Variants in C19orf47 observed in about 807,000 individuals in gnomAD.
The protein encoded by C19orf47 is chromosome 19 open reading frame 47.
A neutral mutation model predicts 32.3 loss-of-function variants in C19orf47; 18 were observed. The observed-to-expected ratio is 0.56, with a 90% CI of 0.39 to 0.83. The LOEUF (loss-of-function observed/expected upper bound fraction) is 0.83. Among genes scored for constraint, C19orf47 ranks in the 40% least tolerant of loss-of-function variants. The pLI is 0.00. For synonymous variants in C19orf47, 202 were observed against 211.1 expected (o/e 0.96, Z 0.37); for missense variants, 484 against 531.6 (o/e 0.91, Z 0.88).
the C19orf47 span, among the ~76,000 whole-genome samples, chr19:40,312,500 G>A: frequency 1.3e-5 from 2 of 151,264 alleles, no homozygotes; most frequent in African/African-American, 2.4e-5. Context: ...AGCTGAGATC[G>A]CACCACTGCA....
chr19:40,321,304 G>A lies in C19orf47; in HGVS notation c.*578C>T. ...ACCGCCGACGAGGGGGCCGCTGGGA[G>A]GCCGGAGGTACAGGAGGGTCGGGCA... On this transcript the variant is annotated 3_prime_UTR_variant, in exon 9 of 9. Coordinates refer to ENST00000683109, the MANE Select transcript of C19orf47 (RefSeq NM_001256441.2). The A allele has an allele frequency of 3.0e-6, 3 of 986,416 alleles. No individual in the cohort carries two copies. The highest frequency in any genetic ancestry group is 4.7e-5 in the South Asian group (1 of 21,292). The allele number at this position is 986,416 out of a possible 1,614,324, so 61.1% of individuals were successfully genotyped here. A position where few individuals can be genotyped will look rare whatever the true frequency, so the allele number is the denominator to read the frequency against.
At chr19:40,308,288 T>G in the C19orf47 span, among the ~76,000 whole-genome samples, 3 of 151,978 alleles carry the variant, frequency 2.0e-5, no homozygotes, top group African/African-American at 7.3e-5. Flanking sequence ...CCAGAGTAGC[T>G]GGGATTACAG....
At chr19:40,293,408 A>G in the C19orf47 span, among the ~76,000 whole-genome samples, 2 of 151,714 alleles carry the variant, frequency 1.3e-5, no homozygotes, top group East Asian at 3.9e-4. Context: ...AGCCTCCCAA[A>G]GTGCTGGGAT....
intron 1 of C19orf47, among the ~76,000 whole-genome samples, chr19:40,347,481 G>A (rs1371930222): frequency 6.6e-6 from 1 of 151,712 alleles, no homozygotes; most frequent in Non-Finnish European, 1.5e-5. Flanking sequence ...GCGGTGAGAC[G>A]AAATTGCACC....
At chr19:40,345,536 T>TAAAAAAA (rs55954294) in intron 1 of C19orf47, among the ~76,000 whole-genome samples, 1 of 110,848 alleles carries the variant, frequency 9.0e-6, no homozygotes. Flanking sequence ...CTGTCACTGT[T>TAAAAAAA]AAAAAAAAAA....
rs1020875370 is a variant in C19orf47, at chr19:40,321,272, C to T, written c.*610G>A. 6.1e-6 allele frequency: 6 copies of T among 986,510 alleles called. No homozygotes were observed. The highest frequency in any genetic ancestry group is 5.2e-5 in the African/African-American group (3 of 57,206). The allele number at this position is 986,510 out of a possible 1,614,324, so 61.1% of individuals were successfully genotyped here. ...GGGCGGCTAACAGTCTCAACAGGCT[C>T]GACGCCACCGCCGACGAGGGGGCCG... On this transcript the variant is annotated 3_prime_UTR_variant, in exon 9 of 9. Coordinates refer to ENST00000683109, the MANE Select transcript of C19orf47 (RefSeq NM_001256441.2).
chr19:40,341,868 G>C lies in C19orf47; in HGVS notation c.-11C>G. On this transcript the variant is annotated 5_prime_UTR_variant, in exon 2 of 9. Transcript: ENST00000683109. The stretch of plus-strand genomic sequence containing the variant: ...AGTCACGGAGACCATCGTCTCCCTG[G>C]CCCTGACACTGCTCCCTGGAGCCTG... 1.3e-6 allele frequency: 2 copies of C among 1,536,216 alleles called. No homozygotes were observed. Among genetic ancestry groups the C allele is most frequent in the Non-Finnish European group, 1.7e-6 (2 of 1,146,914 alleles).
At chr19:40,296,911 C>T in the C19orf47 span, among the ~76,000 whole-genome samples, 1 of 150,846 alleles carries the variant, frequency 6.6e-6, no homozygotes, top group Non-Finnish European at 1.5e-5. Context: ...AAGACCCTGT[C>T]TCAAAAAAAA....
intron 1 of C19orf47, among the ~76,000 whole-genome samples, chr19:40,345,118 C>T (rs1014627499): frequency 1.3e-5 from 2 of 152,162 alleles, no homozygotes; most frequent in South Asian, 4.1e-4. Context: ...AACCAGAATC[C>T]TTTAAGTACT....
the C19orf47 span, among the ~76,000 whole-genome samples, chr19:40,307,246 C>A: frequency 6.6e-6 from 1 of 151,808 alleles, no homozygotes; most frequent in Non-Finnish European, 1.5e-5. Flanking sequence ...CAGGCGCATG[C>A]CACCATGCCC....
intron 2 of C19orf47, among the ~76,000 whole-genome samples, chr19:40,337,545 AGT>A (rs2078089897): frequency 6.6e-6 from 1 of 152,214 alleles, no homozygotes; most frequent in African/African-American, 2.4e-5. Context: ...CATGACTGAC[AGT>A]GTGCCATAGT....
chr19:40,327,539 CTT>C (rs1390034032), intron 6 of C19orf47, among the ~76,000 whole-genome samples: 1 of 152,096 alleles, frequency 6.6e-6, no homozygotes, highest in Non-Finnish European at 1.5e-5. Flanking sequence ...AAAGGGGAGA[CTT>C]TGTGATGGAG....
chr19:40,296,603 T>C, the C19orf47 span, among the ~76,000 whole-genome samples: 1 of 151,852 alleles, frequency 6.6e-6, no homozygotes, highest in Non-Finnish European at 1.5e-5. Context: ...TATCTAAACA[T>C]AGAAAAGGTA....
chr19:40,303,803 G>GAAAAA, the C19orf47 span, among the ~76,000 whole-genome samples: 2 of 45,332 alleles, frequency 4.4e-5, no homozygotes, highest in African/African-American at 1.0e-4. Flanking sequence ...GACTTTGTCT[G>GAAAAA]AAAAAAAAAA....
At chr19:40,306,991 A>G in the C19orf47 span, among the ~76,000 whole-genome samples, 1 of 149,138 alleles carries the variant, frequency 6.7e-6, no homozygotes, top group Non-Finnish European at 1.5e-5. Flanking sequence ...GGGTTTCACC[A>G]TGTTAGCCAG....
At chr19:40,345,834 G>A (rs1317580921) in intron 1 of C19orf47, among the ~76,000 whole-genome samples, 6 of 120,804 alleles carry the variant, frequency 5.0e-5, no homozygotes, top group Admixed American at 2.1e-4. Context: ...GGGCAACAGA[G>A]CAAGACTCAG....
Position 40,333,837 on chromosome 19 carries a change from T to G in C19orf47, c.301+14A>C. Reference sequence around the variant, plus strand: ...AAAAATCAAGGAAAAGAGGCCTGAATAGTTAGGACTCACCACTGGTGCCAC... The same window carrying G: ...AAAAATCAAGGAAAAGAGGCCTGAAGAGTTAGGACTCACCACTGGTGCCAC... On this transcript the variant is annotated intron_variant, in intron 5 of 8. Coordinates refer to ENST00000683109, the MANE Select transcript of C19orf47 (RefSeq NM_001256441.2). 1 of 1,540,886 alleles carries G rather than the reference T, an allele frequency of 6.5e-7. No homozygotes were observed. The highest frequency in any genetic ancestry group is 8.8e-7 in the Non-Finnish European group (1 of 1,140,736).
chr19:40,328,930 C>T lies in C19orf47; in HGVS notation c.302-380G>A, dbSNP rs567404101. On this transcript the variant is annotated intron_variant, in intron 5 of 8. Transcript: ENST00000683109. ...AGTAGGCGCTTCCTCAGGGTCCCTGCTGTTCCTTCTGCCTGGCATGCAGTT... is the reference window on the plus strand; with the variant it reads ...AGTAGGCGCTTCCTCAGGGTCCCTGTTGTTCCTTCTGCCTGGCATGCAGTT... Among the ~76,000 whole-genome samples the T allele has an allele frequency of 2.6e-5, 4 of 152,254 alleles. No individual in the cohort carries two copies. The South Asian group carries it at 8.3e-4, about 32-fold the overall frequency.
At chr19:40,301,908 C>T in the C19orf47 span, among the ~76,000 whole-genome samples, 1 of 151,638 alleles carries the variant, frequency 6.6e-6, no homozygotes, top group African/African-American at 2.4e-5. Context: ...GCCTGTAATC[C>T]GAGCACTTTG....
Sources: gnomAD v4.1 joint callset for allele counts (sites outside exome capture counted in the v4.1 genomes callset) on GRCh38, gnomAD v4.1.1 for gene constraint, MANE v1.5 for transcripts, NCBI Gene and HGNC (gene_info 2026-07-23, HGNC 2026-07-21) for gene names.